The following ANKRD44 variants were observed in gnomAD, a reference collection of about 807,000 sequenced individuals.
The protein encoded by ANKRD44 is serine/threonine-protein phosphatase 6 regulatory ankyrin repeat subunit B.
A neutral mutation model predicts 116.0 loss-of-function variants in ANKRD44; 35 were observed. The ratio of observed to expected loss-of-function variants is 0.30; its 90% CI spans 0.23 to 0.40. ANKRD44 has a LOEUF of 0.40. Among genes scored for constraint, ANKRD44 ranks in the 10% least tolerant of loss-of-function variants. The pLI is 1.00. For synonymous variants in ANKRD44, 435 were observed against 461.8 expected (o/e 0.94, Z 0.74); for missense variants, 1,014 against 1,242.6 (o/e 0.82, Z 2.77).
intron 1 of ANKRD44, among the ~76,000 whole-genome samples, chr2:197,294,170 C>G (rs2083649966): frequency 6.6e-6 from 1 of 152,190 alleles, no homozygotes; most frequent in South Asian, 2.1e-4. Context: ...AGGTCCCAGA[C>G]AGCTTAGGTA....
At chr2:197,124,800 G>A (rs1355599980) in intron 6 of ANKRD44, among the ~76,000 whole-genome samples, 1 of 152,152 alleles carries the variant, frequency 6.6e-6, no homozygotes. Flanking sequence ...TTGTCAGTGG[G>A]ATTTGCCAAC....
intron 1 of ANKRD44, among the ~76,000 whole-genome samples, chr2:197,289,514 C>A (rs532639178): frequency 7.0e-4 from 106 of 152,234 alleles, no homozygotes; most frequent in Non-Finnish European, 1.3e-3. Flanking sequence ...TATGGTATAG[C>A]CAGACATTGG....
intron 1 of ANKRD44, among the ~76,000 whole-genome samples, chr2:197,269,850 A>C (rs1055163107): frequency 6.6e-6 from 1 of 152,306 alleles, no homozygotes; most frequent in East Asian, 1.9e-4. Flanking sequence ...CTCAAAGAAC[A>C]TGTAGGAATT....
At chr2:197,304,548 T>A (rs2084012768) in intron 1 of ANKRD44, among the ~76,000 whole-genome samples, 1 of 152,098 alleles carries the variant, frequency 6.6e-6, no homozygotes, top group Non-Finnish European at 1.5e-5. Flanking sequence ...GTGAAGAGCA[T>A]CGGTCTCCAT....
intron 1 of ANKRD44, among the ~76,000 whole-genome samples, chr2:197,249,862 T>C (rs563551618): frequency 2.0e-5 from 3 of 152,346 alleles, no homozygotes; most frequent in South Asian, 2.1e-4. Flanking sequence ...TTTAAAAGCA[T>C]GTAATGAAAA....
chr2:196,974,875 G>A (rs1365461682), intron 21 of ANKRD44, among the ~76,000 whole-genome samples: 1 of 150,754 alleles, frequency 6.6e-6, no homozygotes, highest in Admixed American at 6.6e-5. Flanking sequence ...AGGTGACAGA[G>A]TGAGACTCCA....
intron 1 of ANKRD44, among the ~76,000 whole-genome samples, chr2:197,202,493 C>T (rs981174704): frequency 6.6e-5 from 10 of 152,080 alleles, no homozygotes; most frequent in African/African-American, 2.4e-4. Flanking sequence ...ATGCACACAG[C>T]AGGGGAAGTA....
rs1448767435 is a variant in ANKRD44, at chr2:197,062,554, C to A, written c.1650+16149G>T. ...GAGGCATCGCCTCACCCGGGAAGCG[C>A]AAGGGGTCAGGGAATTCCCTTTCCT... On this transcript the variant is annotated intron_variant, in intron 16 of 27. Transcript: ENST00000282272. 4.6e-5 allele frequency among the ~76,000 whole-genome samples: 7 copies of A among 152,216 alleles called. No homozygotes were observed. The East Asian group carries it at 1.4e-3, about 29-fold the overall frequency.
In ANKRD44 at chr2:197,121,462, A is replaced by C. The variant is rs1029452464; in HGVS notation, c.776T>G (p.Ile259Ser). 1.9e-6 allele frequency: 3 copies of C among 1,614,254 alleles called. No homozygotes were observed. In the African/African-American group the frequency reaches 4.0e-5, roughly 22 times the overall value. The change falls in exon 8 of 28, where the codon ATT becomes AGT. Residue 259 changes from isoleucine (I) to serine (S), a missense_variant. Coordinates refer to ENST00000282272, the MANE Select transcript of ANKRD44 (RefSeq NM_001195144.2). ...CTGGTTCACGTTAGCACCGTAGTCA[A>C]TCAACTCGTTAACCACAGCATCCTG... ...NGQDAVVNELIDYGANVNQPN... is the reference protein window; with the variant it reads ...NGQDAVVNELSDYGANVNQPN...
At position 197,303,883 on chromosome 2, in the gene ANKRD44, T is replaced by G. The variant is rs530584736; in HGVS notation, c.27+6695A>C. On this transcript the variant is annotated intron_variant, in intron 1 of 27. Coordinates refer to ENST00000282272, the MANE Select transcript of ANKRD44 (RefSeq NM_001195144.2). ...GATTCATGAATCATTAATTTCAACC[T>G]CTTAGGCTACCAACATATTTACAAA... 2.4e-4 allele frequency among the ~76,000 whole-genome samples: 37 copies of G among 152,302 alleles called. 1 individual carries two copies. In the South Asian group the frequency reaches 7.5e-3, roughly 31 times the overall value.
chr2:197,154,331 T>C (rs991319948), intron 2 of ANKRD44, among the ~76,000 whole-genome samples: 1 of 151,658 alleles, frequency 6.6e-6, no homozygotes, highest in African/African-American at 2.4e-5. Context: ...AGGCGCCCGC[T>C]ACCACGCCCG....
intron 27 of ANKRD44, among the ~76,000 whole-genome samples, chr2:196,991,742 G>A (rs941908529): frequency 1.5e-4 from 20 of 130,582 alleles, no homozygotes; most frequent in Admixed American, 1.5e-3. Context: ...CACTACTACC[G>A]GCTGATTTTT....
chr2:197,092,837 A>AT (rs2125189555), intron 10 of ANKRD44, among the ~76,000 whole-genome samples: 1 of 117,170 alleles, frequency 8.5e-6, no homozygotes, highest in East Asian at 2.9e-4. Context: ...TTCCCTCTTG[A>AT]TTCAAGAGAA....
In ANKRD44 at chr2:197,123,637, T is replaced by A. The variant is rs1043257854; in HGVS notation, c.551-845A>T. Among the ~76,000 whole-genome samples, 3 of 152,044 alleles carry A rather than the reference T, an allele frequency of 2.0e-5. No homozygotes were observed. The South Asian group carries it at 6.2e-4, about 32-fold the overall frequency. On this transcript the variant is annotated intron_variant, in intron 6 of 27. Transcript: ENST00000282272. ...CAGAGCGAGACCTTGTCTCAAAAAATAAATAAATAAATAAACAAAGAAACA... is the reference window on the plus strand; with the variant it reads ...CAGAGCGAGACCTTGTCTCAAAAAAAAAATAAATAAATAAACAAAGAAACA...
chr2:197,015,916 A>G (rs923519480), intron 17 of ANKRD44: 3 of 529,826 alleles, frequency 5.7e-6, no homozygotes, highest in South Asian at 1.5e-5. Context: ...TTTTGGATCC[A>G]TGAAAGGGGG....
intron 24 of ANKRD44, 122 bp downstream of exon 24, chr2:196,998,785 A>G: frequency 7.2e-7 from 1 of 1,382,152 alleles, no homozygotes; most frequent in Non-Finnish European, 9.7e-7. Context: ...AGGTGACTTA[A>G]GTAAAACTGC....
In ANKRD44 at chr2:197,208,692, C is replaced by T. The variant is rs1472477121; in HGVS notation, c.28-21586G>A. ...GTGGGCGCCTATAGTCCCAGCTACTCGGGAGGCTGAGGCAGGAGAATGGTG... is the reference window on the plus strand; with the variant it reads ...GTGGGCGCCTATAGTCCCAGCTACTTGGGAGGCTGAGGCAGGAGAATGGTG... On this transcript the variant is annotated intron_variant, in intron 1 of 27. Coordinates refer to ENST00000282272, the MANE Select transcript of ANKRD44 (RefSeq NM_001195144.2). Among the ~76,000 whole-genome samples the T allele has an allele frequency of 5.9e-5, 9 of 152,016 alleles. No homozygotes were observed. The South Asian group carries it at 6.2e-4, about 11-fold the overall frequency.
chr2:197,246,891 T>C (rs1381346176), intron 1 of ANKRD44, among the ~76,000 whole-genome samples: 3 of 152,182 alleles, frequency 2.0e-5, no homozygotes, highest in South Asian at 2.1e-4. Flanking sequence ...AGAGCCAGAA[T>C]TGGAACCCAG....
chr2:197,013,535 T>G lies in ANKRD44; in HGVS notation c.1900A>C (p.Lys634Gln). The change falls in exon 18 of 28, where the codon AAA becomes CAA. Residue 634 changes from lysine (K) to glutamine (Q), a missense_variant. By Grantham distance (53) the Lys-to-Gln change is moderately conservative (BLOSUM62 1). Coordinates refer to ENST00000282272, the MANE Select transcript of ANKRD44 (RefSeq NM_001195144.2). ...CCTGAGGCATGAAGTGGGGTTCTTT[T>G]GGTTACATTGTCTTTCACAAAGATG... Reference protein sequence around the residue: ...ASIFVKDNVTKRTPLHASVIN... With the variant: ...ASIFVKDNVTQRTPLHASVIN... 6.2e-7 allele frequency: 1 copy of G among 1,614,240 alleles called. No homozygotes were observed. Among genetic ancestry groups the G allele is most frequent in the Non-Finnish European group, 8.5e-7 (1 of 1,180,044 alleles).
Sources: allele counts gnomAD v4.1 joint callset (sites outside exome capture counted in the v4.1 genomes callset), GRCh38; gene constraint gnomAD v4.1.1; transcripts MANE v1.5; gene names NCBI Gene and HGNC (gene_info 2026-07-23, HGNC 2026-07-21).